The following POLDIP3 variants were observed in gnomAD, a reference collection of about 807,000 sequenced individuals.
The protein encoded by POLDIP3 is polymerase delta-interacting protein 3.
Under a neutral mutation model 45.1 loss-of-function variants are expected in POLDIP3, and 14 were observed. The ratio of observed to expected loss-of-function variants is 0.31; its 90% CI spans 0.20 to 0.49. The LOEUF (loss-of-function observed/expected upper bound fraction) is 0.49. POLDIP3 is among the 20% of genes least tolerant of loss of function. The pLI is 0.99. For missense variants in POLDIP3, 511 were observed against 538.8 expected (o/e 0.95, Z 0.51); for synonymous variants, 223 against 205.2 (o/e 1.09, Z -0.74).
At chr22:42,598,350 G>A (rs1301547720) in intron 4 of POLDIP3, among the ~76,000 whole-genome samples, 3 of 148,926 alleles carry the variant, frequency 2.0e-5, no homozygotes, top group East Asian at 2.0e-4. Flanking sequence ...TCCTGGGTTC[G>A]TGCCATTCTC....
chr22:42,605,742 G>A (rs73888343), intron 1 of POLDIP3, among the ~76,000 whole-genome samples: 5,848 of 152,142 alleles, frequency 0.038, 372 homozygotes, highest in African/African-American at 0.13. Flanking sequence ...GGTTGTATGT[G>A]GTAGATGGCA....
At chr22:42,600,388 A>G (rs1375201558) in intron 3 of POLDIP3, among the ~76,000 whole-genome samples, 1 of 152,196 alleles carries the variant, frequency 6.6e-6, no homozygotes, top group Non-Finnish European at 1.5e-5. Context: ...GCACTTTGGG[A>G]GGCCGAGGAG....
chr22:42,586,071 G>GT lies in POLDIP3; in HGVS notation c.1089-104dup, dbSNP rs1408987159. On this transcript the variant is annotated intron_variant, in intron 8 of 8. Transcript: ENST00000252115. Reference sequence around the variant, plus strand: ...ATCTGTCATGAGCTAGGCACTGGGTGTAACACTTTCCATACCCCTTCATCT... The same window carrying GT: ...ATCTGTCATGAGCTAGGCACTGGGTGTTAACACTTTCCATACCCCTTCATCT... 6.3e-5 allele frequency: 69 copies of GT among 1,103,846 alleles called. 1 individual carries two copies. The highest frequency in any genetic ancestry group is 2.5e-4 in the Middle Eastern group (1 of 3,960). 68.4% of individuals were successfully genotyped at this position (1,103,846 alleles called of 1,614,324 possible). A position where few individuals can be genotyped will look rare whatever the true frequency, so the allele number is the denominator to read the frequency against.
chr22:42,597,970 G>C (rs1387583992), intron 4 of POLDIP3, among the ~76,000 whole-genome samples: 2 of 151,802 alleles, frequency 1.3e-5, no homozygotes, highest in Non-Finnish European at 2.9e-5. Flanking sequence ...GTAGAGACGG[G>C]ATTTCACCAT....
In POLDIP3 at chr22:42,584,411, T is replaced by TC. The variant is rs137084; in HGVS notation, c.*1379_*1380insG. ...CCTGGAAACATGAGTCTCTGGTTTT[T>TC]TTCACTGGGCTAGCCTCAAGCAAAT... On this transcript the variant is annotated 3_prime_UTR_variant, in exon 9 of 9. Transcript: ENST00000252115. 0.46 allele frequency: 74,140 copies of TC among 159,984 alleles called. 20,706 individuals carry two copies. Among genetic ancestry groups the TC allele is most frequent in the African/African-American group, 0.78 (32,457 of 41,502 alleles). The allele number at this position is 159,984 out of a possible 1,614,324, so 9.9% of individuals were successfully genotyped here. A position where few individuals can be genotyped will look rare whatever the true frequency, so the allele number is the denominator to read the frequency against.
chr22:42,585,771 T>C lies in POLDIP3; in HGVS notation c.*20A>G. 1 of 1,604,798 alleles carries C rather than the reference T, an allele frequency of 6.2e-7. No homozygotes were observed. Among genetic ancestry groups the C allele is most frequent in the Non-Finnish European group, 8.5e-7 (1 of 1,175,438 alleles). ...AGCCACCCTCCTCTGCCCCCACTTC[T>C]GGCTGCCTCACTCCCCTGCTCAAAG... On this transcript the variant is annotated 3_prime_UTR_variant, in exon 9 of 9. Transcript: ENST00000252115.
At chr22:42,592,846 G>T (rs982830608) in intron 6 of POLDIP3, among the ~76,000 whole-genome samples, 3 of 152,178 alleles carry the variant, frequency 2.0e-5, no homozygotes, top group African/African-American at 7.2e-5. Flanking sequence ...ATGTGAAGAT[G>T]GACAGAGGCT....
rs915457294 is a variant in POLDIP3, at chr22:42,614,717, C to T, written c.59+82G>A. The T allele has an allele frequency of 8.3e-5, 123 of 1,487,226 alleles. 1 individual carries two copies. The Admixed American group carries it at 2.0e-3, about 25-fold the overall frequency. The allele number at this position is 1,487,226 out of a possible 1,614,324, so 92.1% of individuals were successfully genotyped here. A position where few individuals can be genotyped will look rare whatever the true frequency, so the allele number is the denominator to read the frequency against. ...GGCGGGCGCACCCGGTCCTCCGCGTCGCTCCCGGATCGCTACCTCCCCCGC... is the reference window on the plus strand; with the variant it reads ...GGCGGGCGCACCCGGTCCTCCGCGTTGCTCCCGGATCGCTACCTCCCCCGC... On this transcript the variant is annotated intron_variant, in intron 1 of 8. Transcript: ENST00000252115.
chr22:42,590,153 G>A (rs1008639108), intron 7 of POLDIP3, among the ~76,000 whole-genome samples: 13 of 152,086 alleles, frequency 8.5e-5, no homozygotes, highest in Non-Finnish European at 1.8e-4. Flanking sequence ...ACCAAAACAC[G>A]GAATGCAGTT....
chr22:42,611,712 T>A (rs1927130319), intron 1 of POLDIP3, among the ~76,000 whole-genome samples: 1 of 151,998 alleles, frequency 6.6e-6, no homozygotes, highest in African/African-American at 2.4e-5. Flanking sequence ...CCACCTCTAC[T>A]AAAAATACAA....
chr22:42,613,040 C>A lies in POLDIP3; in HGVS notation c.59+1759G>T, dbSNP rs189610845. 3.6e-3 allele frequency among the ~76,000 whole-genome samples: 548 copies of A among 152,248 alleles called. 3 individuals carry two copies. The highest frequency in any genetic ancestry group is 0.017 in the Middle Eastern group (5 of 294). ...TCCTGCAGCCCCACCTACTGCCCAA[C>A]ACAAAACTCTGCACACACTAAAACC... On this transcript the variant is annotated intron_variant, in intron 1 of 8. Transcript: ENST00000252115.
chr22:42,596,404 C>G (rs774849899), intron 4 of POLDIP3, 39 bp from the exon 5 acceptor site: 1 of 1,585,194 alleles, frequency 6.3e-7, no homozygotes, highest in Admixed American at 1.7e-5. Flanking sequence ...GAAGCCAGAC[C>G]TGCAATGTTC....
chr22:42,613,823 T>C (rs1381554751), intron 1 of POLDIP3, among the ~76,000 whole-genome samples: 1 of 152,104 alleles, frequency 6.6e-6, no homozygotes, highest in Non-Finnish European at 1.5e-5. Flanking sequence ...GAAAACAATA[T>C]CTAACATATT....
intron 4 of POLDIP3, among the ~76,000 whole-genome samples, chr22:42,599,063 C>T (rs528936173): frequency 2.4e-4 from 37 of 152,316 alleles, no homozygotes; most frequent in East Asian, 1.3e-3. Flanking sequence ...CAAAGGGTTA[C>T]GAAGCATGCA....
At chr22:42,604,297 G>A (rs549507796) in intron 1 of POLDIP3, among the ~76,000 whole-genome samples, 1 of 152,070 alleles carries the variant, frequency 6.6e-6, no homozygotes, top group Non-Finnish European at 1.5e-5. Flanking sequence ...GCGGGGGGAG[G>A]AGAATGGGGT....
chr22:42,602,583 T>C, intron 2 of POLDIP3, among the ~76,000 whole-genome samples, 187 bp downstream of exon 2: 1 of 152,168 alleles, frequency 6.6e-6, no homozygotes, highest in East Asian at 1.9e-4. Context: ...AGAACTGAGA[T>C]AATACCTTTC....
chr22:42,602,973 C>T lies in POLDIP3; in HGVS notation c.247G>A (p.Ala83Thr). The T allele has an allele frequency of 6.2e-7, 1 of 1,614,028 alleles. No individual in the cohort carries two copies. The highest frequency in any genetic ancestry group is 8.5e-7 in the Non-Finnish European group (1 of 1,180,016). ...ACTTTCCCTTTGATTCGAAATCGGG[C>T]ATCTTTCTGCAAAAGCTTCTCCCGG... ...DAREKLLQKD[A>T]RFRIKGKVQD... Residue 83 changes from alanine to threonine, a missense_variant, in exon 2 of 9, where the codon GCC becomes ACC. Coordinates refer to ENST00000252115, the MANE Select transcript of POLDIP3 (RefSeq NM_032311.5).
rs529920831 is a variant in POLDIP3, at chr22:42,608,658, C to T, written c.60-5498G>A. ...GCGACCAAAGGGTGAGCACAAGCAG[C>T]GAGGCGAGCGGGTGGTGCACGCACT... On this transcript the variant is annotated intron_variant, in intron 1 of 8. Transcript: ENST00000252115. Among the ~76,000 whole-genome samples, 778 of 152,230 alleles carry T rather than the reference C, an allele frequency of 5.1e-3. 5 individuals are homozygous for T. Among genetic ancestry groups the T allele is most frequent in the African/African-American group, 0.018 (729 of 41,540 alleles).
intron 6 of POLDIP3, 65 bp downstream of exon 6, chr22:42,595,472 T>A: frequency 6.9e-7 from 1 of 1,446,192 alleles, no homozygotes; most frequent in Non-Finnish European, 9.7e-7. Flanking sequence ...TGAGGGTGGG[T>A]CTTAAGAGAC....
Sources: gnomAD v4.1 joint callset for allele counts (sites outside exome capture counted in the v4.1 genomes callset) on GRCh38, gnomAD v4.1.1 for gene constraint, MANE v1.5 for transcripts, NCBI Gene and HGNC (gene_info 2026-07-23, HGNC 2026-07-21) for gene names.